The following RPH3A variants were observed in gnomAD, a reference collection of about 807,000 sequenced individuals.
The protein encoded by RPH3A is rabphilin 3A, also known as rabphilin-3A.
RPH3A carries 48 observed loss-of-function variants against 102.2 expected under a neutral mutation model. The observed-to-expected ratio is 0.47, with a 90% CI of 0.37 to 0.60. The LOEUF is 0.60. Ranked by LOEUF, RPH3A falls within the 20% of genes least tolerant of loss-of-function variation. The pLI, the probability that RPH3A is intolerant of heterozygous loss-of-function variation, is 0.00. For missense variants in RPH3A, 781 were observed against 910.1 expected, an observed-to-expected ratio of 0.86 and a Z score of 1.83; for synonymous variants, 310 against 324.3, an observed-to-expected ratio of 0.96 and a Z score of 0.47.
chr12:112,771,035 G>A (rs922575715), intron 1 of RPH3A, among the ~76,000 whole-genome samples: 5 of 152,202 alleles, frequency 3.3e-5, no homozygotes, highest in Admixed American at 2.6e-4. Context: ...AAAGGTACAA[G>A]TGGTTGCAAA....
intron 2 of RPH3A, among the ~76,000 whole-genome samples, chr12:112,801,023 C>T (rs1593014942): frequency 6.6e-6 from 1 of 152,070 alleles, no homozygotes; most frequent in Non-Finnish European, 1.5e-5. Flanking sequence ...CTGGATTAAT[C>T]TATCAGCATG....
chr12:112,621,482 A>C (rs1283734939), intron 1 of RPH3A, among the ~76,000 whole-genome samples: 13 of 147,626 alleles, frequency 8.8e-5, no homozygotes, highest in South Asian at 4.6e-4. Flanking sequence ...TCCCACCCGA[A>C]TATTGCGCTT....
intron 1 of RPH3A, among the ~76,000 whole-genome samples, chr12:112,776,663 A>G (rs1188049533): frequency 6.6e-6 from 1 of 151,972 alleles, no homozygotes; most frequent in Non-Finnish European, 1.5e-5. Flanking sequence ...TCACAAGGTT[A>G]GGAGGTCAAG....
chr12:112,738,222 T>G lies in RPH3A; in HGVS notation c.-139-53921T>G, dbSNP rs1592972668. On this transcript the variant is annotated intron_variant, in intron 1 of 21. Coordinates refer to the RPH3A transcript ENST00000543106. ...AATTTTTTTTTTTAGAGACAGGGTC[T>G]CACTCTGTCACCCAGGCTGGAGTAC... is the stretch of plus-strand genomic sequence containing the variant. Among the ~76,000 whole-genome samples, 3 of 152,008 alleles carry G rather than the reference T, an allele frequency of 2.0e-5. No homozygotes were observed. The East Asian group carries it at 5.8e-4, about 29-fold the overall frequency.
chr12:112,665,192 A>G (rs1356184974), intron 1 of RPH3A, among the ~76,000 whole-genome samples: 2 of 152,114 alleles, frequency 1.3e-5, no homozygotes, highest in African/African-American at 4.8e-5. Context: ...CCCAGTCCAT[A>G]TCACAGGCTT....
At chr12:112,739,663 C>G (rs185863875) in intron 1 of RPH3A, among the ~76,000 whole-genome samples, 205 of 152,320 alleles carry the variant, frequency 1.3e-3, no homozygotes, top group African/African-American at 4.7e-3. Flanking sequence ...TACCAGCCGT[C>G]CTGGTCTTGG....
At chr12:112,630,734 C>T (rs1446970129) in intron 1 of RPH3A, among the ~76,000 whole-genome samples, 1 of 152,206 alleles carries the variant, frequency 6.6e-6, no homozygotes, top group Non-Finnish European at 1.5e-5. Context: ...CAATCTAGCA[C>T]TCATCTGCTC....
chr12:112,643,654 C>A (rs185801470), intron 1 of RPH3A, among the ~76,000 whole-genome samples: 7 of 152,350 alleles, frequency 4.6e-5, no homozygotes, highest in Admixed American at 3.9e-4. Flanking sequence ...TCCCCAGAAG[C>A]ACACTCTGTG....
chr12:112,691,156 C>T (rs1385141943), intron 1 of RPH3A, among the ~76,000 whole-genome samples: 1 of 152,212 alleles, frequency 6.6e-6, no homozygotes, highest in African/African-American at 2.4e-5. Flanking sequence ...CTCCAAGTAG[C>T]TGGGACTACA....
intron 1 of RPH3A, among the ~76,000 whole-genome samples, chr12:112,576,728 G>A (rs2039361747): frequency 6.6e-6 from 1 of 152,086 alleles, no homozygotes; most frequent in Admixed American, 6.5e-5. Context: ...GAATTTTGGT[G>A]GAGGGAAGAA....
chr12:112,634,753 A>C (rs1300177129), intron 1 of RPH3A, among the ~76,000 whole-genome samples: 1 of 152,128 alleles, frequency 6.6e-6, no homozygotes, highest in Admixed American at 6.5e-5. Context: ...AGAAATGTGG[A>C]TCCTCTTTTC....
intron 1 of RPH3A, among the ~76,000 whole-genome samples, chr12:112,690,167 T>A (rs1157127534): frequency 1.3e-5 from 2 of 152,238 alleles, no homozygotes; most frequent in African/African-American, 4.8e-5. Flanking sequence ...GAAAATTGGT[T>A]AAGCATAAAA....
intron 1 of RPH3A, among the ~76,000 whole-genome samples, chr12:112,759,368 C>CA (rs1312272158): frequency 2.0e-5 from 3 of 152,162 alleles, no homozygotes; most frequent in African/African-American, 7.2e-5. Context: ...CATTGCATGA[C>CA]AATTGCCTCT....
chr12:112,858,327 C>G (rs1362219621), intron 5 of RPH3A, among the ~76,000 whole-genome samples: 1 of 146,700 alleles, frequency 6.8e-6, no homozygotes, highest in African/African-American at 2.5e-5. Context: ...AAAAGGCGGG[C>G]GGGGGTGAAG....
chr12:112,689,657 A>G (rs145328333), intron 1 of RPH3A, among the ~76,000 whole-genome samples: 11 of 152,330 alleles, frequency 7.2e-5, no homozygotes, highest in Admixed American at 2.6e-4. Flanking sequence ...CACAGATAAG[A>G]AAACAAATGA....
chr12:112,719,302 T>C (rs1024590472), intron 1 of RPH3A, among the ~76,000 whole-genome samples: 3 of 152,136 alleles, frequency 2.0e-5, no homozygotes, highest in African/African-American at 4.8e-5. Flanking sequence ...TGAGAAGGCA[T>C]TCAATAAAGG....
intron 5 of RPH3A, among the ~76,000 whole-genome samples, chr12:112,859,771 T>G (rs888860140): frequency 1.3e-5 from 2 of 152,170 alleles, no homozygotes. Context: ...AAATGCAGGT[T>G]CCTAGGCCTC....
intron 1 of RPH3A, among the ~76,000 whole-genome samples, chr12:112,579,850 C>T (rs2039384156): frequency 6.6e-6 from 1 of 152,164 alleles, no homozygotes; most frequent in African/African-American, 2.4e-5. Context: ...CTGCCTCAGC[C>T]TCCTGAGTAG....
chr12:112,881,830 T>C lies in RPH3A; in HGVS notation c.1310T>C (p.Leu437Pro). Reference sequence around the variant, plus strand: ...GATCCCTACGTTAAGCTGCACCTCCTGCCGGGAGCCAGCAAGGTACCATAT... The same window carrying C: ...GATCCCTACGTTAAGCTGCACCTCCCGCCGGGAGCCAGCAAGGTACCATAT... ...LADPYVKLHL[L>P]PGASKSNKLR... Residue 437 changes from leucine (L) to proline (P), a missense_variant, in exon 15 of 22, where the codon CTG becomes CCG. Physicochemically the swap from Leu to Pro is moderately conservative, Grantham distance 98. Transcript: ENST00000389385. 1 of 1,612,278 alleles carries C rather than the reference T, an allele frequency of 6.2e-7. No homozygotes were observed. The highest frequency in any genetic ancestry group is 8.5e-7 in the Non-Finnish European group (1 of 1,178,882).
Sources: allele counts gnomAD v4.1 joint callset (sites outside exome capture counted in the v4.1 genomes callset), GRCh38; gene constraint gnomAD v4.1.1; transcripts MANE v1.5; gene names NCBI Gene and HGNC (gene_info 2026-07-23, HGNC 2026-07-21).